QTGAL: variants seen among roughly 807,000 people sequenced by gnomAD.
QTGAL encodes the protein queuosine-tRNA galactosyltransferase, also known as BGnT-like protein 1.
At chr17:82,962,775 C>T in the QTGAL span, among the ~76,000 whole-genome samples, 1 of 152,214 alleles carries the variant, frequency 6.6e-6, no homozygotes, top group Non-Finnish European at 1.5e-5. Context: ...TTCTCTCTTC[C>T]TATCACCAGA....
the QTGAL span, among the ~76,000 whole-genome samples, chr17:83,042,299 G>A: frequency 6.6e-6 from 1 of 152,224 alleles, no homozygotes; most frequent in African/African-American, 2.4e-5. Context: ...CCTACTGGGT[G>A]GAGGTTGCAG....
chr17:82,944,226 C>T, the QTGAL span: 1 of 152,058 alleles, frequency 6.6e-6, no homozygotes, highest in African/African-American at 2.4e-5. Flanking sequence ...GTCGGTCTAA[C>T]TTAGCAACCC....
the QTGAL span, chr17:82,961,382 G>A: frequency 1.6e-5 from 9 of 571,236 alleles, no homozygotes; most frequent in African/African-American, 3.8e-5. Context: ...CTCCACAGGC[G>A]GGAAAGAGGG....
At chr17:82,948,733 G>A in the QTGAL span, 1 of 152,244 alleles carries the variant, frequency 6.6e-6, no homozygotes, top group Non-Finnish European at 1.5e-5. Context: ...TTTCGTTCCT[G>A]GAAAAGCAGT....
At chr17:83,007,009 C>T in the QTGAL span, 21 of 376,784 alleles carry the variant, frequency 5.6e-5, no homozygotes, top group Non-Finnish European at 6.9e-5. Flanking sequence ...GTTTTCATTC[C>T]GTTCTGATGG....
chr17:83,009,722 G>A, the QTGAL span, among the ~76,000 whole-genome samples: 2 of 152,156 alleles, frequency 1.3e-5, no homozygotes, highest in Admixed American at 6.5e-5. Flanking sequence ...TGCTGGGTGC[G>A]AGGGAGGAAG....
the QTGAL span, chr17:83,014,416 C>T: frequency 1.3e-6 from 2 of 1,598,862 alleles, no homozygotes; most frequent in Non-Finnish European, 1.7e-6. Flanking sequence ...GGTAATTTCA[C>T]TAAAGGTAGT....
chr17:83,006,933 G>A, the QTGAL span: 15 of 625,224 alleles, frequency 2.4e-5, no homozygotes, highest in African/African-American at 1.0e-4. This position sits in a 1 kb window ranked among gnomAD's most constrained non-coding sequence, Gnocchi z 5.8. Flanking sequence ...TGGTTGCGCC[G>A]TCTCTCACCC....
At chr17:83,044,396 C>T in the QTGAL span, among the ~76,000 whole-genome samples, 6 of 152,168 alleles carry the variant, frequency 3.9e-5, no homozygotes, top group African/African-American at 1.4e-4. Context: ...ATATGATCAT[C>T]TCAAATTGGT....
chr17:82,951,195 C>T, the QTGAL span, among the ~76,000 whole-genome samples: 2 of 152,232 alleles, frequency 1.3e-5, no homozygotes, highest in Admixed American at 1.3e-4. Context: ...GAAAGGCCTG[C>T]ATGGTGTCTT....
chr17:83,047,989 TTTC>T, the QTGAL span, among the ~76,000 whole-genome samples: 1 of 151,680 alleles, frequency 6.6e-6, no homozygotes, highest in Non-Finnish European at 1.5e-5. Context: ...CTCCCTCTCC[TTTC>T]TTCCTTCTTT....
chr17:83,018,913 G>A, the QTGAL span, among the ~76,000 whole-genome samples: 1 of 152,308 alleles, frequency 6.6e-6, no homozygotes, highest in Middle Eastern at 3.4e-3. Context: ...GGGCTCACGG[G>A]GCCAGGAATC....
At chr17:83,040,746 A>T in the QTGAL span, among the ~76,000 whole-genome samples, 1 of 152,206 alleles carries the variant, frequency 6.6e-6, no homozygotes, top group Non-Finnish European at 1.5e-5. Flanking sequence ...TGAGCAAGAG[A>T]AATAAGCAGA....
the QTGAL span, among the ~76,000 whole-genome samples, chr17:83,013,463 ACCCAGG>A: frequency 9.2e-4 from 112 of 121,340 alleles, no homozygotes; most frequent in African/African-American, 3.3e-3. Context: ...TGGTTCCAAC[ACCCAGG>A]CCCTCCCCTT....
chr17:82,945,823 G>C, the QTGAL span: 1 of 152,230 alleles, frequency 6.6e-6, no homozygotes, highest in Non-Finnish European at 1.5e-5. Flanking sequence ...TGCTTTAGTG[G>C]ATAAACTTTA....
At chr17:82,949,411 G>A in the QTGAL span, 13,408 of 152,246 alleles carry the variant, frequency 0.088, 826 homozygotes, top group South Asian at 0.25. Flanking sequence ...AGTGACAAAC[G>A]TGAACCTTGG....
the QTGAL span, among the ~76,000 whole-genome samples, chr17:82,974,358 G>A: frequency 1.3e-5 from 2 of 152,212 alleles, no homozygotes; most frequent in Admixed American, 1.3e-4. Context: ...TTGGCTGAAC[G>A]CTGGCCGCCT....
At chr17:82,957,993 G>A in the QTGAL span, among the ~76,000 whole-genome samples, 1 of 152,012 alleles carries the variant, frequency 6.6e-6, no homozygotes, top group African/African-American at 2.4e-5. Context: ...TGCTGTCCCG[G>A]GGGGAGCAGG....
the QTGAL span, among the ~76,000 whole-genome samples, chr17:82,976,323 T>C: frequency 8.9e-5 from 7 of 78,452 alleles, 1 homozygote; most frequent in Admixed American, 7.6e-4. Context: ...AGGCCACTTA[T>C]GGGGAACGAG....
Sources: allele counts gnomAD v4.1 joint callset (sites outside exome capture counted in the v4.1 genomes callset), GRCh38; gene constraint gnomAD v4.1.1; non-coding constraint Gnocchi (gnomAD v3.1); transcripts MANE v1.5; gene names NCBI Gene and HGNC (gene_info 2026-07-23, HGNC 2026-07-21).